CHRM3: variants seen among roughly 807,000 people sequenced by gnomAD.
CHRM3 encodes the protein cholinergic receptor muscarinic 3.
A neutral mutation model predicts 41.8 loss-of-function variants in CHRM3; 11 were observed. The ratio of observed to expected loss-of-function variants is 0.26; its 90% CI spans 0.17 to 0.44. The LOEUF (loss-of-function observed/expected upper bound fraction) is 0.44. CHRM3 is among the 20% of genes least tolerant of loss of function. The pLI is 1.00. For synonymous variants in CHRM3, 297 were observed against 301.4 expected, an observed-to-expected ratio of 0.99 and a Z score of 0.15; for missense variants, 571 against 745.4, an observed-to-expected ratio of 0.77 and a Z score of 2.72.
At chr1:239,588,939 T>TC (rs1273966236) in intron 3 of CHRM3, among the ~76,000 whole-genome samples, 1 of 151,992 alleles carries the variant, frequency 6.6e-6, no homozygotes. Context: ...TTATGAAGCA[T>TC]CTTTTTTTTT....
intron 3 of CHRM3, chr1:239,546,099 A>G (rs1659268081): frequency 6.6e-6 from 1 of 152,122 alleles, no homozygotes; most frequent in Non-Finnish European, 1.5e-5. Flanking sequence ...GTAAGCTTAA[A>G]CTTTTTACCG....
intron 4 of CHRM3, among the ~76,000 whole-genome samples, chr1:239,656,938 A>G (rs1672771087): frequency 6.6e-6 from 1 of 152,214 alleles, no homozygotes; most frequent in Non-Finnish European, 1.5e-5. Context: ...AAAATAGTTT[A>G]GAAAACTGAC....
chr1:239,749,401 G>A (rs907981851), intron 5 of CHRM3, among the ~76,000 whole-genome samples: 2 of 152,146 alleles, frequency 1.3e-5, no homozygotes, highest in African/African-American at 4.8e-5. Context: ...GGCACGAGTG[G>A]CTCATGCCTG....
At chr1:239,605,035 T>G (rs1164817441) in intron 3 of CHRM3, among the ~76,000 whole-genome samples, 1 of 152,216 alleles carries the variant, frequency 6.6e-6, no homozygotes, top group East Asian at 1.9e-4. Flanking sequence ...CTGCCCCATT[T>G]AGTAACTGCA....
chr1:239,876,755 C>T (rs1231767960), intron 6 of CHRM3, among the ~76,000 whole-genome samples: 1 of 152,136 alleles, frequency 6.6e-6, no homozygotes, highest in Non-Finnish European at 1.5e-5. Flanking sequence ...TGAGGTTACT[C>T]GGCCTTTGGG....
chr1:239,623,483 G>GTTT (rs34689648), intron 3 of CHRM3, among the ~76,000 whole-genome samples: 1 of 133,496 alleles, frequency 7.5e-6, no homozygotes, highest in Admixed American at 7.4e-5. Context: ...TGGTGTATAA[G>GTTT]TTTTTTTTTT....
chr1:239,596,814 G>A (rs1011429103), intron 3 of CHRM3, among the ~76,000 whole-genome samples: 17 of 152,016 alleles, frequency 1.1e-4, no homozygotes, highest in Non-Finnish European at 1.9e-4. Context: ...CAGAAAAGTG[G>A]CTTTTTCTTT....
intron 3 of CHRM3, among the ~76,000 whole-genome samples, chr1:239,558,004 G>A (rs12081830): frequency 0.039 from 5,940 of 152,192 alleles, 143 homozygotes; most frequent in Admixed American, 0.054. Flanking sequence ...TATACCCACT[G>A]ATGGGATTGC....
intron 2 of CHRM3, among the ~76,000 whole-genome samples, chr1:239,506,773 A>G (rs1668599915): frequency 6.6e-6 from 1 of 152,174 alleles, no homozygotes; most frequent in African/African-American, 2.4e-5. Context: ...AGCCCATGAA[A>G]GCAGCCAGGA....
At chr1:239,648,312 G>C (rs1296404300) in intron 4 of CHRM3, among the ~76,000 whole-genome samples, 1 of 151,916 alleles carries the variant, frequency 6.6e-6, no homozygotes, top group Admixed American at 6.6e-5. Context: ...TTTTCTCTCT[G>C]TGCTCCTGGA....
At chr1:239,806,382 A>AAC (rs998071780) in intron 5 of CHRM3, among the ~76,000 whole-genome samples, 2 of 149,592 alleles carry the variant, frequency 1.3e-5, no homozygotes, top group Non-Finnish European at 3.0e-5. Context: ...GGAGTTACAC[A>AAC]ACACACACAC....
chr1:239,524,812 A>G (rs1219942153), intron 2 of CHRM3, among the ~76,000 whole-genome samples: 1 of 152,178 alleles, frequency 6.6e-6, no homozygotes. Context: ...GAAAGGTTCC[A>G]TCCTGCCACG....
chr1:239,911,363 C>G lies in CHRM3; in HGVS notation c.*2139C>G, dbSNP rs1680359949. On this transcript the variant is annotated 3_prime_UTR_variant, in exon 7 of 7. Transcript: ENST00000676153. ...TTTCTAATATGTACACAGCAAACTA[C>G]AGAATGTCATATTATCCACCTGTGA... 1 of 166,766 alleles carries G rather than the reference C, an allele frequency of 6.0e-6. No individual in the cohort carries two copies. Among genetic ancestry groups the G allele is most frequent in the African/African-American group, 2.4e-5 (1 of 41,334 alleles). 10.3% of individuals were successfully genotyped at this position (166,766 alleles called of 1,614,324 possible).
intron 1 of CHRM3, among the ~76,000 whole-genome samples, chr1:239,448,603 G>A (rs989140299): frequency 6.6e-6 from 1 of 152,074 alleles, no homozygotes; most frequent in African/African-American, 2.4e-5. Context: ...ATGAGAAAAG[G>A]TTCCCCAAGT....
chr1:239,888,368 CA>C (rs561810044), intron 6 of CHRM3, among the ~76,000 whole-genome samples: 16 of 137,148 alleles, frequency 1.2e-4, no homozygotes, highest in South Asian at 2.3e-4. Context: ...GACTCTGTCT[CA>C]AAAAAAAAAG....
At chr1:239,544,677 G>A (rs1659114487) in intron 2 of CHRM3, among the ~76,000 whole-genome samples, 2 of 152,124 alleles carry the variant, frequency 1.3e-5, no homozygotes. Flanking sequence ...TACTCATCAC[G>A]TATTTGTATG....
At chr1:239,525,027 G>A (rs924815321) in intron 2 of CHRM3, among the ~76,000 whole-genome samples, 2 of 151,972 alleles carry the variant, frequency 1.3e-5, no homozygotes, top group Non-Finnish European at 1.5e-5. Flanking sequence ...TTATATTATC[G>A]TGTGTTTCGC....
intron 3 of CHRM3, among the ~76,000 whole-genome samples, chr1:239,567,192 A>T (rs1289686451): frequency 2.6e-5 from 4 of 152,028 alleles, no homozygotes; most frequent in African/African-American, 4.8e-5. Flanking sequence ...TAAAACTGGT[A>T]AGCTGGTGCG....
chr1:239,480,592 T>C (rs1666781895), intron 1 of CHRM3, among the ~76,000 whole-genome samples: 1 of 144,672 alleles, frequency 6.9e-6, no homozygotes, highest in Non-Finnish European at 1.5e-5. Context: ...AGTCTAGCTC[T>C]GTCACCCAGG....
Sources: allele counts gnomAD v4.1 joint callset (sites outside exome capture counted in the v4.1 genomes callset), GRCh38; gene constraint gnomAD v4.1.1; transcripts MANE v1.5; gene names NCBI Gene and HGNC (gene_info 2026-07-23, HGNC 2026-07-21).